CACNB2: variants seen among roughly 807,000 people sequenced by gnomAD.
The protein encoded by CACNB2 is voltage-dependent L-type calcium channel subunit beta-2.
CACNB2 carries 42 observed loss-of-function variants against 73.3 expected under a neutral mutation model. The ratio of observed to expected loss-of-function variants is 0.57; its 90% CI spans 0.45 to 0.74. The LOEUF (loss-of-function observed/expected upper bound fraction) is 0.74, where lower values mean the gene tolerates loss of function less well. CACNB2 is among the 30% of genes least tolerant of loss of function. The pLI, the probability that CACNB2 is intolerant of heterozygous loss-of-function variation, is 0.00. For synonymous variants in CACNB2, 348 were observed against 310.3 expected (o/e 1.12, Z -1.28); for missense variants, 940 against 853.0 (o/e 1.10, Z -1.27).
chr10:18,538,081 A>T (rs2053782558), intron 12 of CACNB2, 99 bp from the exon 13 acceptor site: 3 of 1,096,200 alleles, frequency 2.7e-6, no homozygotes, highest in Non-Finnish European at 4.2e-6. Flanking sequence ...GCAAGTACAA[A>T]GGGGTGCAGC....
In CACNB2 at chr10:18,196,293, C is replaced by CTTTT. The variant is rs374846564; in HGVS notation, c.213+45332_213+45335dup. On this transcript the variant is annotated intron_variant, in intron 2 of 13. Transcript: ENST00000324631. ...AATGGCAGCACCACCACCAACAAAA[C>CTTTT]TTTTTTTTTTTTTTTTTGAGACAGG... 1.5e-4 allele frequency among the ~76,000 whole-genome samples: 20 copies of CTTTT among 136,710 alleles called. 1 individual carries two copies. The highest frequency in any genetic ancestry group is 4.8e-4 in the South Asian group (2 of 4,182). 89.7% of individuals were successfully genotyped at this position (136,710 alleles called of 152,430 possible).
intron 3 of CACNB2, among the ~76,000 whole-genome samples, chr10:18,450,917 A>G (rs1164076477): frequency 6.6e-6 from 1 of 152,186 alleles, no homozygotes; most frequent in Admixed American, 6.5e-5. Flanking sequence ...GATTACAGGC[A>G]TGAGCCACCA....
In CACNB2 at chr10:18,540,070, T is replaced by A. The variant is rs2053984541; in HGVS notation, c.*346T>A. 3 of 222,678 alleles carry A rather than the reference T, an allele frequency of 1.3e-5. No homozygotes were observed. The highest frequency in any genetic ancestry group is 2.3e-5 in the African/African-American group (1 of 43,352). The allele number at this position is 222,678 out of a possible 1,614,324, so 13.8% of individuals were successfully genotyped here. A position where few individuals can be genotyped will look rare whatever the true frequency, so the allele number is the denominator to read the frequency against. On this transcript the variant is annotated 3_prime_UTR_variant, in exon 14 of 14. Transcript: ENST00000324631. ...AGTTGATGTATCCAACAAGCCAGAA[T>A]CAGCACAGATAAAAAGTGGAATTTC...
intron 2 of CACNB2, among the ~76,000 whole-genome samples, chr10:18,327,687 G>A (rs182052123): frequency 2.4e-3 from 360 of 152,294 alleles, no homozygotes; most frequent in African/African-American, 8.2e-3. Context: ...GCCTCCCAAA[G>A]TGCTGGGATT....
At chr10:18,141,694 A>G (rs980507644) in intron 1 of CACNB2, among the ~76,000 whole-genome samples, 1 of 152,226 alleles carries the variant, frequency 6.6e-6, no homozygotes, top group African/African-American at 2.4e-5. Flanking sequence ...GTAAGGCTTC[A>G]GCAGGTACAG....
At chr10:18,425,387 C>A (rs548093744) in intron 3 of CACNB2, among the ~76,000 whole-genome samples, 6 of 152,232 alleles carry the variant, frequency 3.9e-5, no homozygotes, top group African/African-American at 1.4e-4. Flanking sequence ...TCTTTCCTGG[C>A]CAGGTGTGGT....
chr10:18,304,829 T>C (rs1252727812), intron 2 of CACNB2, among the ~76,000 whole-genome samples: 1 of 152,244 alleles, frequency 6.6e-6, no homozygotes, highest in East Asian at 1.9e-4. Flanking sequence ...TCTCTCTCTC[T>C]GCTCTTCCTT....
At chr10:18,337,080 A>C (rs1345935436) in intron 2 of CACNB2, among the ~76,000 whole-genome samples, 1 of 152,080 alleles carries the variant, frequency 6.6e-6, no homozygotes, top group Non-Finnish European at 1.5e-5. Flanking sequence ...TTGGTAGTCC[A>C]CTTTTTTCTT....
intron 2 of CACNB2, among the ~76,000 whole-genome samples, chr10:18,352,222 T>C (rs1397880980): frequency 1.3e-5 from 2 of 152,238 alleles, no homozygotes; most frequent in Non-Finnish European, 2.9e-5. Context: ...ACCTTTCTGA[T>C]CGCATGAGTT....
At chr10:18,270,288 A>G (rs142105747) in intron 2 of CACNB2, among the ~76,000 whole-genome samples, 39 of 152,066 alleles carry the variant, frequency 2.6e-4, no homozygotes, top group Admixed American at 5.2e-4. Context: ...TTAACCAGTC[A>G]CCTCCCACTG....
rs1164745930 is a variant in CACNB2, at chr10:18,228,433, C to CAAAAAAAAAAAAA, written c.213+77462_213+77474dup. On this transcript the variant is annotated intron_variant, in intron 2 of 13. Coordinates refer to ENST00000324631, the MANE Select transcript of CACNB2 (RefSeq NM_201596.3). ...GAGCAACAAGAGCAAAACTCTACCTCAAAAAAAAAAAAAAAAGAAAAAAAA... is the reference window on the plus strand; with the variant it reads ...GAGCAACAAGAGCAAAACTCTACCTCAAAAAAAAAAAAAAAAAAAAAAAAAAAAAGAAAAAAAA... 7.7e-3 allele frequency among the ~76,000 whole-genome samples: 267 copies of CAAAAAAAAAAAAA among 34,470 alleles called. 8 individuals are homozygous for CAAAAAAAAAAAAA. The highest frequency in any genetic ancestry group is 0.025 in the Middle Eastern group (1 of 40). The allele number at this position is 34,470 out of a possible 152,430, so 22.6% of individuals were successfully genotyped here.
intron 3 of CACNB2, among the ~76,000 whole-genome samples, chr10:18,423,112 A>G (rs1022100377): frequency 1.3e-5 from 2 of 149,678 alleles, no homozygotes; most frequent in Middle Eastern, 3.2e-3. Context: ...TTTGGAGGTC[A>G]TCATATTTTG....
At chr10:18,391,799 G>T (rs1010930555) in intron 2 of CACNB2, among the ~76,000 whole-genome samples, 1 of 151,426 alleles carries the variant, frequency 6.6e-6, no homozygotes, top group Non-Finnish European at 1.5e-5. Flanking sequence ...ATGGTGGTGC[G>T]CACCTATAGT....
At chr10:18,339,889 T>TG (rs1404018628) in intron 2 of CACNB2, among the ~76,000 whole-genome samples, 1 of 152,192 alleles carries the variant, frequency 6.6e-6, no homozygotes, top group Non-Finnish European at 1.5e-5. Flanking sequence ...AGCTTGACTG[T>TG]GGGCCATAGC....
intron 3 of CACNB2, among the ~76,000 whole-genome samples, chr10:18,442,670 C>G (rs1335269945): frequency 1.3e-5 from 2 of 150,384 alleles, no homozygotes; most frequent in East Asian, 2.0e-4. Context: ...ACTAAAAATA[C>G]AAAAATTAGC....
intron 2 of CACNB2, among the ~76,000 whole-genome samples, chr10:18,270,874 C>CA (rs372979264): frequency 4.6e-4 from 70 of 152,278 alleles, no homozygotes; most frequent in African/African-American, 1.6e-3. Context: ...CTCTGACAGA[C>CA]ACTCAAGACG....
At chr10:18,447,756 C>G (rs1345515236) in intron 3 of CACNB2, among the ~76,000 whole-genome samples, 1 of 150,676 alleles carries the variant, frequency 6.6e-6, no homozygotes, top group Non-Finnish European at 1.5e-5. Context: ...ACATCACATC[C>G]CTGGTTAGAG....
intron 2 of CACNB2, chr10:18,400,772 CT>C: frequency 7.2e-7 from 1 of 1,381,506 alleles, no homozygotes; most frequent in East Asian, 2.8e-5. Context: ...TTTGAATGCA[CT>C]TGTCTTCTTT....
intron 2 of CACNB2, chr10:18,238,625 T>C (rs1424264202): frequency 6.6e-6 from 1 of 152,232 alleles, no homozygotes. Flanking sequence ...TTAAATAGTA[T>C]AACATGAATG....
Sources: allele counts gnomAD v4.1 joint callset (sites outside exome capture counted in the v4.1 genomes callset), GRCh38; gene constraint gnomAD v4.1.1; transcripts MANE v1.5; gene names NCBI Gene and HGNC (gene_info 2026-07-23, HGNC 2026-07-21).